The following LRRC8D variants were observed in gnomAD, a reference collection of about 807,000 sequenced individuals.
The protein encoded by LRRC8D is volume-regulated anion channel subunit LRRC8D.
LRRC8D carries 20 observed loss-of-function variants against 55.8 expected under a neutral mutation model. The ratio of observed to expected loss-of-function variants is 0.36; its 90% CI spans 0.25 to 0.52. LRRC8D has a LOEUF of 0.52. Among genes scored for constraint, LRRC8D ranks in the 20% least tolerant of loss-of-function variants. The probability of loss-of-function intolerance (pLI) is 0.93; values close to 1 mark genes in which losing one functional copy is unlikely to be tolerated. For missense variants in LRRC8D, 651 were observed against 1,030.8 expected (o/e 0.63, Z 5.05); for synonymous variants, 352 against 377.0 (o/e 0.93, Z 0.77).
At chr1:89,931,142 T>G (rs1317253398) in intron 2 of LRRC8D, among the ~76,000 whole-genome samples, 1 of 150,472 alleles carries the variant, frequency 6.6e-6, no homozygotes, top group Non-Finnish European at 1.5e-5. Context: ...ACATAAGAGA[T>G]AATTTTGCTT....
chr1:89,847,111 G>T (rs1313884453), intron 2 of LRRC8D, among the ~76,000 whole-genome samples: 1 of 152,136 alleles, frequency 6.6e-6, no homozygotes, highest in African/African-American at 2.4e-5. Context: ...TTAGATGCAA[G>T]TAAGTTTATT....
intron 2 of LRRC8D, among the ~76,000 whole-genome samples, chr1:89,856,221 A>G (rs1377536445): frequency 6.6e-6 from 1 of 152,190 alleles, no homozygotes; most frequent in African/African-American, 2.4e-5. Context: ...TTAAAATTAA[A>G]CTTGCTAGAT....
intron 2 of LRRC8D, among the ~76,000 whole-genome samples, chr1:89,904,840 T>A (rs1487636745): frequency 6.6e-6 from 1 of 152,108 alleles, no homozygotes; most frequent in East Asian, 1.9e-4. Context: ...GGTAATAACA[T>A]TTACTTTACA....
chr1:89,898,134 T>C (rs947587756), intron 2 of LRRC8D, among the ~76,000 whole-genome samples: 2 of 152,180 alleles, frequency 1.3e-5, no homozygotes, highest in Non-Finnish European at 2.9e-5. Flanking sequence ...CCTAAAACTT[T>C]TAAAACATTG....
chr1:89,927,203 G>C (rs549476384), intron 2 of LRRC8D, among the ~76,000 whole-genome samples: 2 of 152,278 alleles, frequency 1.3e-5, no homozygotes, highest in African/African-American at 2.4e-5. Context: ...CCAGCCAGCC[G>C]GGATGTGCCT....
intron 2 of LRRC8D, among the ~76,000 whole-genome samples, chr1:89,902,662 G>A (rs984162498): frequency 6.0e-5 from 9 of 151,186 alleles, no homozygotes; most frequent in African/African-American, 9.7e-5. Context: ...TCAGCCTCCC[G>A]AGTAGCTGGG....
chr1:89,869,106 T>C (rs1454753795), intron 2 of LRRC8D, among the ~76,000 whole-genome samples: 1 of 152,042 alleles, frequency 6.6e-6, no homozygotes, highest in East Asian at 1.9e-4. Flanking sequence ...GGGGTTTCGC[T>C]ATGTTGGCCA....
intron 2 of LRRC8D, among the ~76,000 whole-genome samples, chr1:89,889,653 T>C (rs1224348541): frequency 6.8e-6 from 1 of 146,974 alleles, no homozygotes; most frequent in East Asian, 2.0e-4. Flanking sequence ...AGGCCGAGGC[T>C]GGTGGATCAC....
At chr1:89,899,649 G>A (rs1402340589) in intron 2 of LRRC8D, among the ~76,000 whole-genome samples, 1 of 152,206 alleles carries the variant, frequency 6.6e-6, no homozygotes, top group Non-Finnish European at 1.5e-5. Context: ...CTGTTCTTCA[G>A]TTGTGCAGGT....
At chr1:89,821,644 G>T (rs1365365426) in intron 1 of LRRC8D, among the ~76,000 whole-genome samples, 1 of 152,170 alleles carries the variant, frequency 6.6e-6, no homozygotes, top group Non-Finnish European at 1.5e-5. Flanking sequence ...CTATCGGAAA[G>T]GCGGGGAGAG....
At chr1:89,900,627 G>T (rs1385616036) in intron 2 of LRRC8D, among the ~76,000 whole-genome samples, 1 of 152,204 alleles carries the variant, frequency 6.6e-6, no homozygotes, top group Admixed American at 6.5e-5. Context: ...ATCTCTCAGA[G>T]AAAGGAGGCT....
intron 2 of LRRC8D, among the ~76,000 whole-genome samples, chr1:89,894,393 G>A (rs541824330): frequency 4.6e-5 from 7 of 152,302 alleles, no homozygotes; most frequent in East Asian, 3.9e-4. Context: ...GTAGCACAAG[G>A]GTATGAAGGG....
intron 1 of LRRC8D, among the ~76,000 whole-genome samples, chr1:89,821,716 C>G (rs571961125): frequency 6.6e-6 from 1 of 152,068 alleles, no homozygotes; most frequent in African/African-American, 2.4e-5. Context: ...CTTGCTGGCC[C>G]GGCGTCCAAA....
At chr1:89,906,518 C>T (rs1361671021) in intron 2 of LRRC8D, among the ~76,000 whole-genome samples, 1 of 152,176 alleles carries the variant, frequency 6.6e-6, no homozygotes, top group Non-Finnish European at 1.5e-5. Context: ...TTCTAAAGAA[C>T]AAGATTTTGT....
intron 1 of LRRC8D, among the ~76,000 whole-genome samples, chr1:89,840,779 T>A (rs1661113564): frequency 2.0e-5 from 3 of 152,194 alleles, no homozygotes; most frequent in African/African-American, 7.2e-5. Flanking sequence ...ATCGCATGAG[T>A]CCCAAATATA....
intron 2 of LRRC8D, among the ~76,000 whole-genome samples, chr1:89,931,574 T>C (rs1046528418): frequency 1.3e-5 from 2 of 151,866 alleles, no homozygotes; most frequent in Admixed American, 6.6e-5. Context: ...GCCTGGCCAA[T>C]ATGGTGAAAC....
intron 2 of LRRC8D, among the ~76,000 whole-genome samples, chr1:89,928,609 C>T (rs1016475384): frequency 2.0e-5 from 3 of 152,004 alleles, no homozygotes; most frequent in African/African-American, 4.8e-5. Context: ...ACCATTCTTG[C>T]GGGGAGTCTG....
chr1:89,918,799 A>G (rs1402053608), intron 2 of LRRC8D, among the ~76,000 whole-genome samples: 1 of 152,222 alleles, frequency 6.6e-6, no homozygotes. Context: ...CTGGACATTG[A>G]AAAATGCCTG....
chr1:89,894,076 T>C (rs1056098911), intron 2 of LRRC8D, among the ~76,000 whole-genome samples: 2 of 152,218 alleles, frequency 1.3e-5, no homozygotes, highest in African/African-American at 4.8e-5. Flanking sequence ...GCATGAGGGC[T>C]CTGCCCTCAT....
Sources: allele counts gnomAD v4.1 joint callset (sites outside exome capture counted in the v4.1 genomes callset), GRCh38; gene constraint gnomAD v4.1.1; transcripts MANE v1.5; gene names NCBI Gene and HGNC (gene_info 2026-07-23, HGNC 2026-07-21).